The following ROR2 variants were observed in gnomAD, a reference collection of about 807,000 sequenced individuals.
ROR2 encodes the protein ROR family WNT receptor 2, also known as tyrosine-protein kinase transmembrane receptor ROR2.
ROR2 carries 33 observed loss-of-function variants against 74.9 expected under a neutral mutation model. That is an observed-to-expected ratio of 0.44 (90% confidence interval 0.33 to 0.59). The LOEUF (loss-of-function observed/expected upper bound fraction) is 0.59. Among genes scored for constraint, ROR2 ranks in the 20% least tolerant of loss-of-function variants. The pLI is 0.02. For synonymous variants in ROR2, 586 were observed against 558.7 expected (o/e 1.05, Z -0.69); for missense variants, 1,216 against 1,313.8 (o/e 0.93, Z 1.15).
intron 1 of ROR2, among the ~76,000 whole-genome samples, chr9:91,858,431 GGCACACACCCCACAGA>G (rs1829366437): frequency 6.6e-6 from 1 of 152,036 alleles, no homozygotes; most frequent in Non-Finnish European, 1.5e-5. Context: ...GCGCGCACAG[GGCACACACCCCACAGA>G]GCAGTGGTTC....
intron 2 of ROR2, among the ~76,000 whole-genome samples, chr9:91,759,659 C>T (rs971978911): frequency 2.0e-5 from 3 of 152,192 alleles, no homozygotes; most frequent in African/African-American, 7.2e-5. Flanking sequence ...ATAATCTGGG[C>T]TGCCCATCCC....
chr9:91,795,079 C>T (rs1386278231), intron 1 of ROR2, among the ~76,000 whole-genome samples: 1 of 151,012 alleles, frequency 6.6e-6, no homozygotes, highest in African/African-American at 2.4e-5. Context: ...GACTGTGCCA[C>T]TGCACTCCAG....
intron 2 of ROR2, among the ~76,000 whole-genome samples, chr9:91,762,628 TCTTG>T (rs1289102794): frequency 1.3e-5 from 2 of 152,232 alleles, no homozygotes; most frequent in Non-Finnish European, 2.9e-5. Context: ...CAAAACCTAC[TCTTG>T]CTTATTTTTC....
At chr9:91,732,833 A>C (rs955606205) in intron 6 of ROR2, among the ~76,000 whole-genome samples, 4 of 152,178 alleles carry the variant, frequency 2.6e-5, no homozygotes, top group Non-Finnish European at 5.9e-5. Flanking sequence ...GAGAAGGGAA[A>C]TCCCAGGCTC....
At chr9:91,812,980 G>A (rs1827810300) in intron 1 of ROR2, among the ~76,000 whole-genome samples, 1 of 152,046 alleles carries the variant, frequency 6.6e-6, no homozygotes, top group African/African-American at 2.4e-5. Flanking sequence ...ATGCCTCTGT[G>A]GTTTGCCCTT....
rs532510021 is a variant in ROR2 at position 91,878,209 on chromosome 9, G to C, written c.97+71658C>G. Among the ~76,000 whole-genome samples, 21 of 152,240 alleles carry C rather than the reference G, an allele frequency of 1.4e-4. No homozygotes were observed. In the South Asian group the frequency reaches 3.9e-3, roughly 29 times the overall value. ...AATCTGCACACTGATGTGGGGCAAG[G>C]GAAATGGCAGGAAGCAGGTAAGAAT... is the stretch of plus-strand genomic sequence containing the variant. On this transcript the variant is annotated intron_variant, in intron 1 of 8. Transcript: ENST00000375708.
At chr9:91,888,262 CT>C (rs1303164457) in intron 1 of ROR2, among the ~76,000 whole-genome samples, 1 of 152,116 alleles carries the variant, frequency 6.6e-6, no homozygotes, top group African/African-American at 2.4e-5. Context: ...AGTGAACTGC[CT>C]GTTTATATTT....
intron 5 of ROR2, among the ~76,000 whole-genome samples, chr9:91,734,433 G>A (rs1028146969): frequency 1.3e-5 from 2 of 152,204 alleles, no homozygotes; most frequent in Non-Finnish European, 2.9e-5. Context: ...CTCCACCCAC[G>A]AATGCAGTTC....
At chr9:91,866,637 C>T (rs530046295) in intron 1 of ROR2, among the ~76,000 whole-genome samples, 4 of 152,138 alleles carry the variant, frequency 2.6e-5, no homozygotes, top group East Asian at 1.9e-4. Context: ...AATAAACTTG[C>T]TGCACTGAAC....
chr9:91,844,136 T>C (rs1052102138), intron 1 of ROR2, among the ~76,000 whole-genome samples: 4 of 152,196 alleles, frequency 2.6e-5, no homozygotes, highest in Non-Finnish European at 5.9e-5. Context: ...TAAATCAGAA[T>C]GTGTTTTCCT....
intron 1 of ROR2, among the ~76,000 whole-genome samples, chr9:91,781,940 T>G (rs1402666341): frequency 2.0e-5 from 3 of 152,258 alleles, no homozygotes; most frequent in Non-Finnish European, 4.4e-5. Context: ...ACTTTCTGTC[T>G]CTGACAGCCC....
intron 1 of ROR2, among the ~76,000 whole-genome samples, chr9:91,818,804 G>A (rs1301254917): frequency 1.3e-5 from 2 of 152,092 alleles, no homozygotes; most frequent in East Asian, 1.9e-4. Context: ...GCCTTGGGCA[G>A]CCTCACCTCT....
intron 2 of ROR2, among the ~76,000 whole-genome samples, chr9:91,762,391 CAAT>C (rs34328423): frequency 0.085 from 12,878 of 152,224 alleles, 670 homozygotes; most frequent in Middle Eastern, 0.14. Flanking sequence ...CCTCAAATAA[CAAT>C]AACATAACCT....
chr9:91,906,156 C>T (rs1318667149), intron 1 of ROR2, among the ~76,000 whole-genome samples: 7 of 152,250 alleles, frequency 4.6e-5, no homozygotes, highest in African/African-American at 1.7e-4. Flanking sequence ...CACAACTCCG[C>T]CTGCAGAAGG....
chr9:91,768,665 G>A (rs1284267757), intron 2 of ROR2, among the ~76,000 whole-genome samples: 5 of 152,182 alleles, frequency 3.3e-5, no homozygotes, highest in South Asian at 2.1e-4. Context: ...GGGGCTGATC[G>A]AGGACTGCAG....
chr9:91,830,229 G>GC (rs1028728977), intron 1 of ROR2, among the ~76,000 whole-genome samples: 1 of 151,998 alleles, frequency 6.6e-6, no homozygotes, highest in African/African-American at 2.4e-5. Context: ...ATTTGGCTGT[G>GC]CAAGGCAGGT....
At position 91,854,130 on chromosome 9, in the gene ROR2, C is replaced by T. The variant is rs140977617; in HGVS notation, c.98-78312G>A. On this transcript the variant is annotated intron_variant, in intron 1 of 8. Coordinates refer to ENST00000375708, the MANE Select transcript of ROR2 (RefSeq NM_004560.4). Reference sequence around the variant, plus strand: ...CCTGTGGGAGGCCACACAGACCCTACGTCTCAGAGCTGCCCACCCCCATAG... The same window carrying T: ...CCTGTGGGAGGCCACACAGACCCTATGTCTCAGAGCTGCCCACCCCCATAG... Among the ~76,000 whole-genome samples the T allele has an allele frequency of 2.8e-3, 430 of 152,292 alleles. 4 individuals are homozygous for T. Among genetic ancestry groups the T allele is most frequent in the African/African-American group, 9.1e-3 (380 of 41,566 alleles).
At chr9:91,737,888 T>C (rs916755337) in intron 4 of ROR2, among the ~76,000 whole-genome samples, 9 of 152,160 alleles carry the variant, frequency 5.9e-5, no homozygotes, top group African/African-American at 1.4e-4. Context: ...GAAGGCTACA[T>C]ACATACTGTA....
chr9:91,848,215 G>A (rs1587778422), intron 1 of ROR2, among the ~76,000 whole-genome samples: 2 of 152,298 alleles, frequency 1.3e-5, no homozygotes, highest in South Asian at 4.1e-4. Flanking sequence ...TCAATAAGCT[G>A]ACAAAGAACT....
Sources: gnomAD v4.1 joint callset for allele counts (sites outside exome capture counted in the v4.1 genomes callset) on GRCh38, gnomAD v4.1.1 for gene constraint, MANE v1.5 for transcripts, NCBI Gene and HGNC (gene_info 2026-07-23, HGNC 2026-07-21) for gene names.